The following CEP20 variants were observed in gnomAD, a reference collection of about 807,000 sequenced individuals.
The protein encoded by CEP20 is FGFR1OP N-terminal like.
CEP20 carries 18 observed loss-of-function variants against 20.0 expected under a neutral mutation model. The observed-to-expected ratio is 0.90, with a 90% CI of 0.62 to 1.34. The LOEUF is 1.34. Ranked by LOEUF, CEP20 falls within the 40% of genes most tolerant of loss-of-function variation. The pLI, the probability that CEP20 is intolerant of heterozygous loss-of-function variation, is 0.00. For missense variants in CEP20, 215 were observed against 201.6 expected (o/e 1.07, Z -0.40); for synonymous variants, 77 against 73.7 (o/e 1.04, Z -0.23).
chr16:15,879,855 T>G lies in CEP20; in HGVS notation c.260A>C (p.Gln87Pro). The change falls in exon 3 of 5, where the codon CAG becomes CCG. Residue 87 changes from glutamine to proline, a missense_variant. Physicochemically the swap from Gln to Pro is moderately conservative, Grantham distance 76. Transcript: ENST00000255759. ...TGCATTTAGTTCATGGATGAGAAAC[T>G]GTCTGTCCAACGGAACTACAGGTTG... Reference protein sequence around the residue: ...SGQPVVPLDRQFLIHELNAFE... With the variant: ...SGQPVVPLDRPFLIHELNAFE... 1 of 1,570,038 alleles carries G rather than the reference T, an allele frequency of 6.4e-7. No individual in the cohort carries two copies.
rs2044689482 is a variant in CEP20, at chr16:15,866,750, T to C, written c.*690A>G. 6.6e-6 allele frequency: 1 copy of C among 152,242 alleles called. No homozygotes were observed. Among genetic ancestry groups the C allele is most frequent in the South Asian group, 2.1e-4 (1 of 4,832 alleles). 9.4% of individuals were successfully genotyped at this position (152,242 alleles called of 1,614,324 possible). On this transcript the variant is annotated 3_prime_UTR_variant, in exon 5 of 5. Transcript: ENST00000255759. Reference sequence around the variant, plus strand: ...TTTATCTAATAAAATAAACTCTTTGTTTTATTTACAGCAAAATTATTACAG... The same window carrying C: ...TTTATCTAATAAAATAAACTCTTTGCTTTATTTACAGCAAAATTATTACAG...
intron 2 of CEP20, 43 bp from the exon 3 acceptor site, chr16:15,879,931 A>G (rs765751188): frequency 7.5e-7 from 1 of 1,327,738 alleles, no homozygotes; most frequent in Admixed American, 2.3e-5. Context: ...CTATTAAACT[A>G]AAAAGCAAAT....
In CEP20 at chr16:15,873,488, TA is replaced by T; in HGVS notation, c.448+2del. The T allele has an allele frequency of 6.2e-7, 1 of 1,610,634 alleles. No homozygotes were observed. Among genetic ancestry groups the T allele is most frequent in the East Asian group, 2.2e-5 (1 of 44,704 alleles). ...TAAATGATGAATCTTGGAAAACTCA[TA>T]CCCATTGGCTTTCTTCTACTAGGTT... is the stretch of plus-strand genomic sequence containing the variant. On this transcript the variant is annotated splice_donor_variant, in intron 4 of 4. Transcript: ENST00000255759. LOFTEE classifies it high-confidence loss of function.
chr16:15,874,324 G>C (rs1226940375), intron 3 of CEP20, among the ~76,000 whole-genome samples: 1 of 152,026 alleles, frequency 6.6e-6, no homozygotes, highest in African/African-American at 2.4e-5. Context: ...CTTCTTTATA[G>C]TTTACAGAAC....
chr16:15,867,540 T>G (rs1158609682), intron 4 of CEP20, 24 bp from the exon 5 acceptor site: 2 of 1,541,828 alleles, frequency 1.3e-6, no homozygotes, highest in Non-Finnish European at 1.8e-6. Flanking sequence ...AAACCAATGT[T>G]AATACTTATC....
At position 15,879,769 on chromosome 16, in the gene CEP20, C is replaced by T. The variant is rs770900813; in HGVS notation, c.311+35G>A. On this transcript the variant is annotated intron_variant, in intron 3 of 4. Transcript: ENST00000255759. Reference sequence around the variant, plus strand: ...ACCATGGTGCAATTATGACTCAATACAATATGTGGAAACTTCTTTAAAAAA... The same window carrying T: ...ACCATGGTGCAATTATGACTCAATATAATATGTGGAAACTTCTTTAAAAAA... 5.7e-6 allele frequency: 7 copies of T among 1,233,464 alleles called. No homozygotes were observed. In the South Asian group the frequency reaches 7.8e-5, roughly 14 times the overall value. 76.4% of individuals were successfully genotyped at this position (1,233,464 alleles called of 1,614,324 possible).
At chr16:15,870,120 C>T (rs899778638) in intron 4 of CEP20, among the ~76,000 whole-genome samples, 2 of 152,110 alleles carry the variant, frequency 1.3e-5, no homozygotes, top group South Asian at 2.1e-4. Context: ...CGTAATCTAC[C>T]GCTTTCATCT....
At chr16:15,881,264 C>A (rs1015291155) in intron 2 of CEP20, among the ~76,000 whole-genome samples, 14 of 152,024 alleles carry the variant, frequency 9.2e-5, no homozygotes, top group Non-Finnish European at 2.9e-5. Context: ...AAAGCCAAAC[C>A]ATTTAATATG....
intron 3 of CEP20, among the ~76,000 whole-genome samples, chr16:15,875,094 G>A (rs1367796003): frequency 2.0e-5 from 3 of 152,056 alleles, no homozygotes; most frequent in African/African-American, 7.2e-5. Flanking sequence ...CCAAATCCCC[G>A]AATATTCCAC....
intron 3 of CEP20, among the ~76,000 whole-genome samples, chr16:15,876,681 C>T (rs2044957630): frequency 6.6e-6 from 1 of 152,100 alleles, no homozygotes. Flanking sequence ...TCAGATGCAG[C>T]ACTGCAGATC....
chr16:15,869,840 T>G (rs1009927696), intron 4 of CEP20, among the ~76,000 whole-genome samples: 5 of 152,188 alleles, frequency 3.3e-5, no homozygotes, highest in Admixed American at 2.0e-4. Context: ...CTGACAACTT[T>G]CAAGGCACTA....
At chr16:15,875,655 G>T (rs778926203) in intron 3 of CEP20, among the ~76,000 whole-genome samples, 1 of 152,080 alleles carries the variant, frequency 6.6e-6, no homozygotes, top group Non-Finnish European at 1.5e-5. Context: ...AGAAAAGTGC[G>T]GCCTCACAAT....
chr16:15,875,189 G>C (rs1032610164), intron 3 of CEP20, among the ~76,000 whole-genome samples: 3 of 151,290 alleles, frequency 2.0e-5, no homozygotes, highest in Admixed American at 6.6e-5. Flanking sequence ...AACCAGGAAA[G>C]TAAGTTTCTT....
chr16:15,872,121 T>TG (rs1205952927), intron 4 of CEP20, among the ~76,000 whole-genome samples: 1 of 152,130 alleles, frequency 6.6e-6, no homozygotes, highest in Non-Finnish European at 1.5e-5. Flanking sequence ...AAGACCATCC[T>TG]GGCTAACACA....
intron 3 of CEP20, among the ~76,000 whole-genome samples, chr16:15,874,142 A>T (rs1596993252): frequency 6.6e-6 from 1 of 152,192 alleles, no homozygotes; most frequent in African/African-American, 2.4e-5. Context: ...TTCCTTTATA[A>T]ATTAGGATAA....
intron 3 of CEP20, among the ~76,000 whole-genome samples, chr16:15,873,952 C>T (rs1045045873): frequency 2.6e-5 from 4 of 152,178 alleles, no homozygotes; most frequent in Non-Finnish European, 5.9e-5. Flanking sequence ...TTCCCAATAC[C>T]TAACCCCATC....
At chr16:15,874,826 C>T (rs752873555) in intron 3 of CEP20, among the ~76,000 whole-genome samples, 2 of 152,130 alleles carry the variant, frequency 1.3e-5, no homozygotes, top group Non-Finnish European at 1.5e-5. Context: ...TCAGAGGCCA[C>T]GTGGTAATGG....
At chr16:15,881,354 T>C (rs2045093159) in intron 2 of CEP20, among the ~76,000 whole-genome samples, 1 of 152,166 alleles carries the variant, frequency 6.6e-6, no homozygotes. Context: ...CTTTTCTGGG[T>C]GTAACTGGTA....
intron 1 of CEP20, among the ~76,000 whole-genome samples, chr16:15,887,053 G>C (rs530971368): frequency 6.6e-6 from 1 of 151,610 alleles, no homozygotes; most frequent in South Asian, 2.1e-4. Flanking sequence ...AGGCCACTAT[G>C]CCCGGCTCTT....
Sources: allele counts gnomAD v4.1 joint callset (sites outside exome capture counted in the v4.1 genomes callset), GRCh38; gene constraint gnomAD v4.1.1; transcripts MANE v1.5; gene names NCBI Gene and HGNC (gene_info 2026-07-23, HGNC 2026-07-21).